Variants in ACACA observed in about 807,000 individuals in gnomAD.
ACACA encodes the protein acetyl-CoA carboxylase 1.
In ACACA, 103 loss-of-function variants were observed where a neutral mutation model predicts 296.1. The ratio of observed to expected loss-of-function variants is 0.35; its 90% CI spans 0.30 to 0.41. ACACA has a LOEUF of 0.41. Among genes scored for constraint, ACACA ranks in the 10% least tolerant of loss-of-function variants. The probability of loss-of-function intolerance (pLI) is 1.00; values close to 1 mark genes in which losing one functional copy is unlikely to be tolerated. For synonymous variants in ACACA, 953 were observed against 1,038.6 expected, an observed-to-expected ratio of 0.92 and a Z score of 1.58; for missense variants, 1,554 against 2,989.7, an observed-to-expected ratio of 0.52 and a Z score of 11.20.
chr17:37,169,514 T>C (rs1179912540), intron 41 of ACACA, among the ~76,000 whole-genome samples: 2 of 152,322 alleles, frequency 1.3e-5, no homozygotes, highest in African/African-American at 4.8e-5. Context: ...GATTAGATCA[T>C]TGCTTTGGAA....
intron 1 of ACACA, among the ~76,000 whole-genome samples, chr17:37,383,564 T>G (rs1466793913): frequency 2.0e-5 from 3 of 152,254 alleles, no homozygotes; most frequent in Non-Finnish European, 4.4e-5. Flanking sequence ...ATTTATTTAT[T>G]TGAGACAGAG....
At position 37,394,746 on chromosome 17, in the gene ACACA, G is replaced by A. The variant is rs554808318; in HGVS notation, c.38+11516C>T. 4.7e-5 allele frequency among the ~76,000 whole-genome samples: 7 copies of A among 150,252 alleles called. No individual in the cohort carries two copies. The East Asian group carries it at 5.9e-4, about 13-fold the overall frequency. On this transcript the variant is annotated intron_variant, in intron 1 of 55. Transcript: ENST00000616317. Reference sequence around the variant, plus strand: ...AAAAAAGAAAAAGAAAAAATTAGCCGGGTGTGGTGGCAGGCATCTGTAGTC... The same window carrying A: ...AAAAAAGAAAAAGAAAAAATTAGCCAGGTGTGGTGGCAGGCATCTGTAGTC...
intron 54 of ACACA, among the ~76,000 whole-genome samples, chr17:37,091,109 G>C (rs948893170): frequency 6.6e-6 from 1 of 152,174 alleles, no homozygotes; most frequent in Non-Finnish European, 1.5e-5. Flanking sequence ...AACTCTCCTT[G>C]ATTGGTGTAA....
At position 37,140,243 on chromosome 17, in the gene ACACA, C is replaced by CA. The variant is rs751775604; in HGVS notation, c.5679+9620dup. On this transcript the variant is annotated intron_variant, in intron 45 of 55. Coordinates refer to ENST00000616317, the MANE Select transcript of ACACA (RefSeq NM_198834.3). ...TACAGCCACTTGTGATTGTGAACAA[C>CA]ATATAGTGTTTACTTTTCTGTAATC... 4.4e-4 allele frequency among the ~76,000 whole-genome samples: 67 copies of CA among 152,244 alleles called. 1 individual carries two copies. Among genetic ancestry groups the CA allele is most frequent in the Non-Finnish European group, 8.4e-4 (57 of 68,014 alleles).
In ACACA at chr17:37,200,418, T is replaced by G; in HGVS notation, c.4113+9A>C. 3 of 1,604,530 alleles carry G rather than the reference T, an allele frequency of 1.9e-6. No individual in the cohort carries two copies. Among genetic ancestry groups the G allele is most frequent in the Non-Finnish European group, 2.6e-6 (3 of 1,171,256 alleles). On this transcript the variant is annotated intron_variant, in intron 34 of 55. Coordinates refer to ENST00000616317, the MANE Select transcript of ACACA (RefSeq NM_198834.3). ...AAATATTAAAGAGGTACAATTCACA[T>G]GTCAGTACCTTTTGTGCAACCAGGA...
At chr17:37,098,171 C>T (rs1000249966) in intron 52 of ACACA, among the ~76,000 whole-genome samples, 187 bp from the exon 53 acceptor site, 1 of 152,210 alleles carries the variant, frequency 6.6e-6, no homozygotes, top group Admixed American at 6.5e-5. Flanking sequence ...CCAGTCTTTA[C>T]CTTGCCACAA....
At chr17:37,236,175 G>A (rs2080101960) in intron 24 of ACACA, among the ~76,000 whole-genome samples, 1 of 152,070 alleles carries the variant, frequency 6.6e-6, no homozygotes, top group South Asian at 2.1e-4. Flanking sequence ...AGTGTAACCA[G>A]GCTTTTAATT....
At chr17:37,237,146 T>C (rs1291910365) in intron 24 of ACACA, among the ~76,000 whole-genome samples, 1 of 152,232 alleles carries the variant, frequency 6.6e-6, no homozygotes, top group Non-Finnish European at 1.5e-5. Flanking sequence ...TTTCTTTTCC[T>C]TAACATTGTA....
chr17:37,246,492 G>A (rs1204044785), intron 19 of ACACA, among the ~76,000 whole-genome samples: 4 of 151,918 alleles, frequency 2.6e-5, no homozygotes, highest in African/African-American at 9.7e-5. Flanking sequence ...CAGTACAGTG[G>A]TACAATCTCC....
rs17848785 is a variant in ACACA, at chr17:37,121,100, G to A, written c.6274+255C>T. Among the ~76,000 whole-genome samples the A allele has an allele frequency of 5.9e-5, 9 of 151,908 alleles. No individual in the cohort carries two copies. The East Asian group carries it at 9.7e-4, about 16-fold the overall frequency. On this transcript the variant is annotated intron_variant, in intron 50 of 55. Coordinates refer to ENST00000616317, the MANE Select transcript of ACACA (RefSeq NM_198834.3). Reference sequence around the variant, plus strand: ...CATCAGAATGGTCCAGCATCCATCTGTGAGAGCGAGATCCACAACAGTAGG... The same window carrying A: ...CATCAGAATGGTCCAGCATCCATCTATGAGAGCGAGATCCACAACAGTAGG...
chr17:37,305,464 G>A (rs1213622316), intron 3 of ACACA, among the ~76,000 whole-genome samples: 1 of 152,172 alleles, frequency 6.6e-6, no homozygotes, highest in Admixed American at 6.5e-5. Flanking sequence ...TATACTTAAA[G>A]CTAGAAAGGC....
chr17:37,151,940 G>A (rs1057130271), intron 43 of ACACA, among the ~76,000 whole-genome samples: 3 of 152,048 alleles, frequency 2.0e-5, no homozygotes, highest in South Asian at 4.1e-4. Flanking sequence ...GATTACAGGC[G>A]TGAGCCACCG....
chr17:37,377,537 G>C lies in ACACA; in HGVS notation c.38+28725C>G, dbSNP rs71382466. Among the ~76,000 whole-genome samples, 16 of 152,062 alleles carry C rather than the reference G, an allele frequency of 1.1e-4. No individual in the cohort carries two copies. The East Asian group carries it at 3.1e-3, about 29-fold the overall frequency. ...TAGCTGGGCATGGTGGTGCATGCCC[G>C]TAATCCCAGCTACTCGGGAGGCTGA... On this transcript the variant is annotated intron_variant, in intron 1 of 55. Transcript: ENST00000616317.
chr17:37,205,213 G>A (rs2078441925), intron 33 of ACACA, among the ~76,000 whole-genome samples: 1 of 152,162 alleles, frequency 6.6e-6, no homozygotes, highest in South Asian at 2.1e-4. Flanking sequence ...ATGATTGGGA[G>A]TAAAAGGTAT....
At chr17:37,402,735 C>T (rs918410634) in intron 1 of ACACA, among the ~76,000 whole-genome samples, 17 of 151,936 alleles carry the variant, frequency 1.1e-4, no homozygotes, top group Non-Finnish European at 1.8e-4. Flanking sequence ...TACAGCGGCA[C>T]GATCTCAGCT....
intron 54 of ACACA, among the ~76,000 whole-genome samples, chr17:37,093,023 A>G (rs1426920267): frequency 1.3e-5 from 2 of 152,096 alleles, no homozygotes; most frequent in East Asian, 1.9e-4. Context: ...AGCCAATCCC[A>G]TCTCAGCTCC....
intron 45 of ACACA, among the ~76,000 whole-genome samples, chr17:37,147,032 C>T (rs766795776): frequency 6.6e-5 from 10 of 151,996 alleles, no homozygotes; most frequent in Non-Finnish European, 1.5e-4. Context: ...TCAACAGGAT[C>T]GGCACTTGCA....
At chr17:37,301,296 G>T in intron 3 of ACACA, 3 of 810,810 alleles carry the variant, frequency 3.7e-6, no homozygotes, top group Non-Finnish European at 3.0e-6. Flanking sequence ...TAGAATACAA[G>T]AAATAAAAAG....
chr17:37,371,222 G>T (rs1258573110), intron 1 of ACACA, among the ~76,000 whole-genome samples: 1 of 151,722 alleles, frequency 6.6e-6, no homozygotes, highest in Non-Finnish European at 1.5e-5. Context: ...TGGGATTACA[G>T]GCATCTGCCA....
Sources: allele counts gnomAD v4.1 joint callset (sites outside exome capture counted in the v4.1 genomes callset), GRCh38; gene constraint gnomAD v4.1.1; transcripts MANE v1.5; gene names NCBI Gene and HGNC (gene_info 2026-07-23, HGNC 2026-07-21).